The following RAP1A variants were observed in gnomAD, a reference collection of about 807,000 sequenced individuals.
RAP1A encodes ras-related protein Rap-1A.
In RAP1A, 6 loss-of-function variants were observed where a neutral mutation model predicts 26.4. The ratio of observed to expected loss-of-function variants is 0.23; its 90% CI spans 0.12 to 0.45. RAP1A has a LOEUF of 0.45. Ranked by LOEUF, RAP1A falls within the 20% of genes least tolerant of loss-of-function variation. RAP1A has a pLI of 0.99. For missense variants in RAP1A, 121 were observed against 217.2 expected, an observed-to-expected ratio of 0.56 and a Z score of 2.78; for synonymous variants, 73 against 79.4, an observed-to-expected ratio of 0.92 and a Z score of 0.43.
At chr1:111,682,311 A>G (rs868085134) in intron 1 of RAP1A, among the ~76,000 whole-genome samples, 1 of 151,700 alleles carries the variant, frequency 6.6e-6, no homozygotes, top group East Asian at 1.9e-4. Context: ...AACCAGATCA[A>G]ATTCACACAT....
chr1:111,682,293 T>G (rs116254505), intron 1 of RAP1A, among the ~76,000 whole-genome samples: 1,830 of 151,888 alleles, frequency 0.012, 44 homozygotes, highest in African/African-American at 0.042. Context: ...TCAACTAATG[T>G]GCAAAATAAC....
At chr1:111,699,252 C>A (rs534121461) in intron 4 of RAP1A, among the ~76,000 whole-genome samples, 5 of 152,264 alleles carry the variant, frequency 3.3e-5, no homozygotes, top group African/African-American at 9.6e-5. Flanking sequence ...ATTTTACTAT[C>A]CATATAGAAT....
At chr1:111,570,510 C>T (rs1658028463) in intron 1 of RAP1A, among the ~76,000 whole-genome samples, 1 of 152,118 alleles carries the variant, frequency 6.6e-6, no homozygotes, top group Admixed American at 6.5e-5. Context: ...AGGGATTCCA[C>T]ACTGATTCTT....
chr1:111,664,868 C>T (rs539125537), intron 1 of RAP1A, among the ~76,000 whole-genome samples: 2 of 152,274 alleles, frequency 1.3e-5, no homozygotes, highest in South Asian at 4.1e-4. Flanking sequence ...CTTCCTGGCA[C>T]ATGGTAAGCA....
At chr1:111,575,898 T>C (rs1471435769) in intron 1 of RAP1A, among the ~76,000 whole-genome samples, 1 of 152,236 alleles carries the variant, frequency 6.6e-6, no homozygotes, top group Non-Finnish European at 1.5e-5. Context: ...GAATGCTCAG[T>C]AAATATTTCT....
At chr1:111,610,569 CACACACACACA>C (rs1557864912) in intron 1 of RAP1A, among the ~76,000 whole-genome samples, 4 of 151,274 alleles carry the variant, frequency 2.6e-5, no homozygotes, top group East Asian at 1.9e-4. Context: ...CACACACACA[CACACACACACA>C]CCCAACACCA....
intron 1 of RAP1A, among the ~76,000 whole-genome samples, chr1:111,665,239 T>C (rs765847324): frequency 6.6e-6 from 1 of 152,240 alleles, no homozygotes; most frequent in African/African-American, 2.4e-5. Context: ...AACTTAGTTA[T>C]AATTATGCAT....
intron 1 of RAP1A, among the ~76,000 whole-genome samples, chr1:111,563,198 C>T (rs748933429): frequency 6.6e-6 from 1 of 152,008 alleles, no homozygotes; most frequent in Non-Finnish European, 1.5e-5. Context: ...TCGATTTAGC[C>T]CAGGAGGTTG....
At position 111,619,872 on chromosome 1, in the gene RAP1A, GGGAGGAGGA is replaced by G. The variant is rs949595270; in HGVS notation, c.-78_-70del. 1.0e-5 allele frequency: 4 copies of G among 396,374 alleles called. No homozygotes were observed. The highest frequency in any genetic ancestry group is 4.2e-5 in the African/African-American group (2 of 48,054). 24.6% of individuals were successfully genotyped at this position (396,374 alleles called of 1,614,324 possible). A position where few individuals can be genotyped will look rare whatever the true frequency, so the allele number is the denominator to read the frequency against. On this transcript the variant is annotated 5_prime_UTR_variant, in exon 1 of 8. Transcript: ENST00000369709. ...GGAGCAGGAGCCACGGCCGAGAGGA[GGGAGGAGGA>G]GGAGGAGGAGGTGGAGGAGGTGGAG... is the stretch of plus-strand genomic sequence containing the variant.
intron 1 of RAP1A, among the ~76,000 whole-genome samples, chr1:111,611,108 C>T (rs1658920444): frequency 6.6e-6 from 1 of 152,140 alleles, no homozygotes; most frequent in African/African-American, 2.4e-5. Context: ...AGTCCTATTA[C>T]GACAAATCCT....
chr1:111,582,713 AG>A (rs1408830232), intron 1 of RAP1A, among the ~76,000 whole-genome samples: 5 of 152,242 alleles, frequency 3.3e-5, no homozygotes, highest in African/African-American at 1.2e-4. Flanking sequence ...CCCTCTGCTC[AG>A]GCTTTTTAAT....
chr1:111,616,893 T>C (rs965406889), upstream of RAP1A, among the ~76,000 whole-genome samples: 2 of 152,168 alleles, frequency 1.3e-5, no homozygotes, highest in African/African-American at 4.8e-5. Flanking sequence ...CTCACCTTCT[T>C]CTATCTCCTT....
At chr1:111,577,825 C>G (rs1432710299) in intron 1 of RAP1A, among the ~76,000 whole-genome samples, 1 of 152,184 alleles carries the variant, frequency 6.6e-6, no homozygotes, top group East Asian at 1.9e-4. Flanking sequence ...ATGTCAGGCT[C>G]TATAAAGGCA....
At chr1:111,675,201 G>A (rs1661088624) in intron 1 of RAP1A, among the ~76,000 whole-genome samples, 1 of 152,120 alleles carries the variant, frequency 6.6e-6, no homozygotes, top group Non-Finnish European at 1.5e-5. Flanking sequence ...ACTGTCCTGG[G>A]CCGGGTGTGG....
upstream of RAP1A, chr1:111,619,737 C>G (rs544192446): frequency 9.6e-5 from 38 of 394,262 alleles, no homozygotes; most frequent in African/African-American, 7.6e-4. Flanking sequence ...CGGGGCAGAA[C>G]CAGGGGGCGG....
intron 1 of RAP1A, among the ~76,000 whole-genome samples, chr1:111,601,199 G>A (rs1247393706): frequency 6.6e-6 from 1 of 152,152 alleles, no homozygotes; most frequent in Admixed American, 6.5e-5. Context: ...GCTTCTCTTT[G>A]GTGAGGCCGG....
chr1:111,570,311 G>T (rs1463946244), intron 1 of RAP1A, among the ~76,000 whole-genome samples: 2 of 152,146 alleles, frequency 1.3e-5, no homozygotes, highest in Non-Finnish European at 2.9e-5. Context: ...GGGATTTCAA[G>T]GTCAAACCAA....
At chr1:111,550,920 G>A (rs534028297) in intron 1 of RAP1A, among the ~76,000 whole-genome samples, 1 of 152,306 alleles carries the variant, frequency 6.6e-6, no homozygotes, top group Non-Finnish European at 1.5e-5. Context: ...TGTTAGATGT[G>A]TACATGTTTA....
Position 111,704,569 on chromosome 1 carries a change from T to G in RAP1A, c.468+83T>G, listed in dbSNP as rs1476788865. On this transcript the variant is annotated intron_variant, in intron 6 of 7. Coordinates refer to ENST00000369709, the MANE Select transcript of RAP1A (RefSeq NM_002884.4). ...ACAGCCAGACTTTTAAGAAAAAATT[T>G]TTATCTTTTAAGCAATCTTGATTCC... is the stretch of plus-strand genomic sequence containing the variant. 12 of 1,373,554 alleles carry G rather than the reference T, an allele frequency of 8.7e-6. No individual in the cohort carries two copies. In the African/African-American group the frequency reaches 1.3e-4, roughly 15 times the overall value. The allele number at this position is 1,373,554 out of a possible 1,614,324, so 85.1% of individuals were successfully genotyped here. A position where few individuals can be genotyped will look rare whatever the true frequency, so the allele number is the denominator to read the frequency against.
Sources: gnomAD v4.1 joint callset for allele counts (sites outside exome capture counted in the v4.1 genomes callset) on GRCh38, gnomAD v4.1.1 for gene constraint, MANE v1.5 for transcripts, NCBI Gene and HGNC (gene_info 2026-07-23, HGNC 2026-07-21) for gene names.